CSMD1: variants seen among roughly 807,000 people sequenced by gnomAD.
CSMD1 encodes the protein CUB and Sushi multiple domains 1, also known as CUB and sushi domain-containing protein 1.
CSMD1 carries 213 observed loss-of-function variants against 417.5 expected under a neutral mutation model. That is an observed-to-expected ratio of 0.51 (90% confidence interval 0.46 to 0.57). The LOEUF (loss-of-function observed/expected upper bound fraction) is 0.57. Among genes scored for constraint, CSMD1 ranks in the 20% least tolerant of loss-of-function variants. The probability of loss-of-function intolerance (pLI) is 0.00; values close to 1 mark genes in which losing one functional copy is unlikely to be tolerated. For synonymous variants in CSMD1, 2,862 were observed against 1,736.8 expected, an observed-to-expected ratio of 1.65 and a Z score of -16.11; for missense variants, 6,923 against 4,529.7, an observed-to-expected ratio of 1.53 and a Z score of -15.17.
At chr8:4,199,194 T>A (rs552364960) in intron 3 of CSMD1, among the ~76,000 whole-genome samples, 1 of 149,622 alleles carries the variant, frequency 6.7e-6, no homozygotes, top group East Asian at 2.0e-4. Flanking sequence ...TTCAGAAACA[T>A]TAAAAAATAC....
intron 17 of CSMD1, among the ~76,000 whole-genome samples, chr8:3,391,313 T>C (rs1811333301): frequency 6.6e-6 from 1 of 152,218 alleles, no homozygotes; most frequent in African/African-American, 2.4e-5. Context: ...TTCTTCTGCC[T>C]TCAGAGATGA....
At chr8:3,426,542 T>G (rs1183148622) in intron 12 of CSMD1, among the ~76,000 whole-genome samples, 1 of 152,192 alleles carries the variant, frequency 6.6e-6, no homozygotes, top group Non-Finnish European at 1.5e-5. Context: ...TTAAGTGACT[T>G]CTCCTTATTA....
chr8:4,801,490 G>A (rs2117284813), intron 1 of CSMD1, among the ~76,000 whole-genome samples: 1 of 151,916 alleles, frequency 6.6e-6, no homozygotes, highest in East Asian at 1.9e-4. Context: ...CAAATTGAGG[G>A]GCGCAAGTAC....
chr8:3,491,068 C>CA, intron 11 of CSMD1, among the ~76,000 whole-genome samples: 1 of 152,074 alleles, frequency 6.6e-6, no homozygotes, highest in South Asian at 2.1e-4. Context: ...GAAGGTATAG[C>CA]AAAAAAGTAT....
chr8:3,709,328 A>T (rs1395028515), intron 6 of CSMD1, among the ~76,000 whole-genome samples: 1 of 152,124 alleles, frequency 6.6e-6, no homozygotes, highest in Non-Finnish European at 1.5e-5. Flanking sequence ...GAGCAGGCAG[A>T]TCGGCTCCAA....
chr8:4,353,749 C>A (rs573273505), intron 3 of CSMD1, among the ~76,000 whole-genome samples: 243 of 152,010 alleles, frequency 1.6e-3, no homozygotes, highest in Admixed American at 3.9e-3. Context: ...ATGGAGATTT[C>A]TTTTTTTGCC....
intron 1 of CSMD1, among the ~76,000 whole-genome samples, chr8:4,892,426 C>G (rs943824477): frequency 9.2e-5 from 14 of 152,002 alleles, no homozygotes; most frequent in Non-Finnish European, 5.9e-5. Flanking sequence ...TGTCCCTCTA[C>G]TGCAAATAGA....
intron 40 of CSMD1, among the ~76,000 whole-genome samples, chr8:3,145,721 T>C (rs1487710793): frequency 1.3e-5 from 2 of 152,174 alleles, no homozygotes; most frequent in African/African-American, 4.8e-5. Flanking sequence ...AAAGCCCAAA[T>C]AAAAGGATTA....
At chr8:4,449,208 T>A (rs1798988050) in intron 2 of CSMD1, among the ~76,000 whole-genome samples, 1 of 152,194 alleles carries the variant, frequency 6.6e-6, no homozygotes, top group African/African-American at 2.4e-5. Flanking sequence ...CAGTTTTACT[T>A]CTATTTTCTC....
chr8:3,099,243 T>A (rs886860485), intron 46 of CSMD1, among the ~76,000 whole-genome samples: 1 of 152,092 alleles, frequency 6.6e-6, no homozygotes, highest in African/African-American at 2.4e-5. Flanking sequence ...GAAGCATAAA[T>A]AAACTTTACC....
intron 3 of CSMD1, among the ~76,000 whole-genome samples, chr8:4,319,997 G>A (rs970668423): frequency 1.3e-5 from 2 of 152,128 alleles, no homozygotes; most frequent in Non-Finnish European, 2.9e-5. Context: ...TAAAATAGGA[G>A]TATTGGGTTA....
At chr8:4,108,535 C>G (rs1801687661) in intron 3 of CSMD1, among the ~76,000 whole-genome samples, 1 of 152,114 alleles carries the variant, frequency 6.6e-6, no homozygotes. Flanking sequence ...ATTTGTAACC[C>G]CAACTGTTTT....
intron 1 of CSMD1, among the ~76,000 whole-genome samples, chr8:4,677,774 T>G (rs1217508684): frequency 6.6e-6 from 1 of 151,848 alleles, no homozygotes; most frequent in Non-Finnish European, 1.5e-5. Context: ...AAAAGGAGAA[T>G]GGAAAACAGA....
At chr8:4,201,893 G>GC (rs1799669148) in intron 3 of CSMD1, among the ~76,000 whole-genome samples, 2 of 148,298 alleles carry the variant, frequency 1.3e-5, no homozygotes, top group Admixed American at 1.3e-4. Context: ...ATTTTGGGGG[G>GC]GGGGGGCGCT....
intron 5 of CSMD1, among the ~76,000 whole-genome samples, chr8:3,961,962 G>T (rs549614221): frequency 6.6e-6 from 1 of 152,176 alleles, no homozygotes; most frequent in African/African-American, 2.4e-5. Context: ...ATATTGAAAG[G>T]AAAAGCAATG....
chr8:4,317,910 G>C (rs141004569), intron 3 of CSMD1, among the ~76,000 whole-genome samples: 158 of 152,268 alleles, frequency 1.0e-3, no homozygotes, highest in Non-Finnish European at 2.0e-3. Context: ...TTGGAAAGGA[G>C]AACAAAATGT....
At chr8:4,714,365 T>G (rs1002256904) in intron 1 of CSMD1, among the ~76,000 whole-genome samples, 1 of 152,038 alleles carries the variant, frequency 6.6e-6, no homozygotes, top group Non-Finnish European at 1.5e-5. Flanking sequence ...AGAATTTAAA[T>G]TAATATGTGT....
At chr8:3,370,470 C>A (rs1585065638) in intron 18 of CSMD1, among the ~76,000 whole-genome samples, 1 of 152,164 alleles carries the variant, frequency 6.6e-6, no homozygotes, top group Admixed American at 6.5e-5. Context: ...GGCTGCCCAC[C>A]CTCACTGCAG....
intron 1 of CSMD1, among the ~76,000 whole-genome samples, chr8:4,913,911 T>A (rs1805868404): frequency 6.6e-6 from 1 of 152,210 alleles, no homozygotes; most frequent in African/African-American, 2.4e-5. Context: ...TCTTAATTAA[T>A]GCGATTACCA....
Sources: allele counts gnomAD v4.1 joint callset (sites outside exome capture counted in the v4.1 genomes callset), GRCh38; gene constraint gnomAD v4.1.1; transcripts MANE v1.5; gene names NCBI Gene and HGNC (gene_info 2026-07-23, HGNC 2026-07-21).